MALRD1: variants seen among roughly 807,000 people sequenced by gnomAD.
MALRD1 encodes the protein MAM and LDL-receptor class A domain-containing protein 1.
Under a neutral mutation model 242.1 loss-of-function variants are expected in MALRD1, and 247 were observed. The ratio of observed to expected loss-of-function variants is 1.02; its 90% CI spans 0.92 to 1.13. MALRD1 has a LOEUF of 1.13. MALRD1 is among the 50% of genes most tolerant of loss of function. The probability of loss-of-function intolerance (pLI) is 0.00; values close to 1 mark genes in which losing one functional copy is unlikely to be tolerated. For synonymous variants in MALRD1, 995 were observed against 866.6 expected, an observed-to-expected ratio of 1.15 and a Z score of -2.60; for missense variants, 2,989 against 2,533.1, an observed-to-expected ratio of 1.18 and a Z score of -3.86.
At chr10:19,644,971 A>G (rs562411596) in intron 36 of MALRD1, among the ~76,000 whole-genome samples, 1 of 152,212 alleles carries the variant, frequency 6.6e-6, no homozygotes, top group African/African-American at 2.4e-5. Flanking sequence ...TATTGTTTTG[A>G]TAATAGAATG....
At chr10:19,283,864 G>A (rs897379081) in intron 21 of MALRD1, among the ~76,000 whole-genome samples, 4 of 152,196 alleles carry the variant, frequency 2.6e-5, no homozygotes, top group Non-Finnish European at 5.9e-5. Context: ...CCTACTGTGT[G>A]AGAACGCTGC....
At chr10:19,381,845 A>G (rs1312322251) in intron 26 of MALRD1, among the ~76,000 whole-genome samples, 1 of 152,022 alleles carries the variant, frequency 6.6e-6, no homozygotes, top group East Asian at 1.9e-4. Flanking sequence ...TCTCAAAAAT[A>G]AAATACAATA....
intron 35 of MALRD1, among the ~76,000 whole-genome samples, chr10:19,612,218 G>A (rs1396840964): frequency 6.6e-6 from 1 of 151,834 alleles, no homozygotes; most frequent in Non-Finnish European, 1.5e-5. Flanking sequence ...TCATCTTGGT[G>A]GCTATTCTTC....
chr10:19,114,287 C>T (rs1243544235), intron 5 of MALRD1, among the ~76,000 whole-genome samples: 1 of 152,068 alleles, frequency 6.6e-6, no homozygotes, highest in Non-Finnish European at 1.5e-5. Flanking sequence ...CATATTATAA[C>T]AGAAATATTG....
chr10:19,676,264 C>T (rs1842135551), intron 36 of MALRD1, among the ~76,000 whole-genome samples: 1 of 152,128 alleles, frequency 6.6e-6, no homozygotes, highest in Non-Finnish European at 1.5e-5. Context: ...CAACTTATAC[C>T]ACGTGACATC....
chr10:19,424,597 A>T (rs748949853), intron 28 of MALRD1, among the ~76,000 whole-genome samples: 2 of 152,232 alleles, frequency 1.3e-5, no homozygotes, highest in Non-Finnish European at 2.9e-5. Context: ...AAAAATCAGA[A>T]CTAAAGTAAT....
intron 28 of MALRD1, among the ~76,000 whole-genome samples, chr10:19,413,904 T>TCGCACTA (rs888764243): frequency 6.6e-6 from 1 of 150,840 alleles, no homozygotes; most frequent in African/African-American, 2.4e-5. Flanking sequence ...TGAGCCGAGA[T>TCGCACTA]CGCACTACTG....
At chr10:19,363,096 A>C (rs987930721) in intron 26 of MALRD1, among the ~76,000 whole-genome samples, 1 of 152,120 alleles carries the variant, frequency 6.6e-6, no homozygotes, top group Non-Finnish European at 1.5e-5. Flanking sequence ...ACAGATGTCA[A>C]CTCAGCATTT....
chr10:19,429,335 C>T (rs2257745), intron 28 of MALRD1, among the ~76,000 whole-genome samples: 26,200 of 151,864 alleles, frequency 0.17, 2,604 homozygotes, highest in Middle Eastern at 0.31. Context: ...TTCAGGAGGC[C>T]GAGACAGGTG....
chr10:19,323,772 C>G (rs986910316), intron 21 of MALRD1, among the ~76,000 whole-genome samples, 177 bp from the exon 22 acceptor site: 8 of 152,122 alleles, frequency 5.3e-5, no homozygotes, highest in Non-Finnish European at 2.9e-5. Flanking sequence ...CCACTCCCAG[C>G]TTATTTTTTC....
intron 14 of MALRD1, 142 bp from the exon 15 acceptor site, chr10:19,203,586 T>G: frequency 1.3e-6 from 1 of 794,932 alleles, no homozygotes. Context: ...AAAGGATCTT[T>G]TTTATTTTCT....
intron 8 of MALRD1, among the ~76,000 whole-genome samples, chr10:19,130,747 A>G (rs12765250): frequency 0.053 from 8,034 of 152,238 alleles, 435 homozygotes; most frequent in Admixed American, 0.17. Flanking sequence ...GTATGTAATT[A>G]TGAATGTATA....
intron 21 of MALRD1, among the ~76,000 whole-genome samples, chr10:19,300,833 G>C (rs1251841353): frequency 4.0e-5 from 6 of 151,800 alleles, no homozygotes; most frequent in Non-Finnish European, 7.4e-5. Flanking sequence ...CCAAAGCAAT[G>C]GTAACAAAAA....
In MALRD1 at chr10:19,331,530, T is replaced by C. The variant is rs947398971; in HGVS notation, c.3849T>C (p.Cys1283=). 5 of 1,550,218 alleles carry C rather than the reference T, an allele frequency of 3.2e-6. No homozygotes were observed. The African/African-American group carries it at 4.1e-5, about 13-fold the overall frequency. ...NKHCIAKDKL[C]DFVNDCADNS... ...ACTGCATTGCCAAAGACAAGCTGTG[T>C]GATTTTGTGAATGATTGTGCTGATA... Residue 1283 remains cysteine (C), a synonymous_variant, in exon 24 of 40, where the codon TGT becomes TGC. Coordinates refer to ENST00000454679, the MANE Select transcript of MALRD1 (RefSeq NM_001142308.3).
At chr10:19,165,496 T>A (rs1024123490) in intron 12 of MALRD1, 141 bp from the exon 13 acceptor site, 1 of 504,610 alleles carries the variant, frequency 2.0e-6, no homozygotes, top group Non-Finnish European at 3.0e-6. Flanking sequence ...GTAGAGATGG[T>A]GTTTCATGCC....
intron 39 of MALRD1, among the ~76,000 whole-genome samples, chr10:19,731,346 T>G (rs1589454778): frequency 6.6e-6 from 1 of 152,274 alleles, no homozygotes; most frequent in African/African-American, 2.4e-5. Context: ...TTTTTTAGAT[T>G]TTTTATATTT....
intron 28 of MALRD1, among the ~76,000 whole-genome samples, chr10:19,410,518 A>G (rs2130882259): frequency 6.6e-6 from 1 of 152,196 alleles, no homozygotes; most frequent in East Asian, 1.9e-4. Flanking sequence ...ACCTCTGAAA[A>G]TCTAAATTAA....
intron 18 of MALRD1, among the ~76,000 whole-genome samples, chr10:19,238,472 TATAA>T (rs1838551132): frequency 4.1e-5 from 2 of 48,358 alleles, no homozygotes; most frequent in African/African-American, 2.3e-4. Flanking sequence ...TAATATAATA[TATAA>T]TATACATTAT....
intron 33 of MALRD1, among the ~76,000 whole-genome samples, chr10:19,594,869 T>C (rs1275178474): frequency 6.6e-6 from 1 of 152,036 alleles, no homozygotes. Context: ...TAAAAGACTA[T>C]ATATCGGGTA....
Sources: allele counts gnomAD v4.1 joint callset (sites outside exome capture counted in the v4.1 genomes callset), GRCh38; gene constraint gnomAD v4.1.1; transcripts MANE v1.5; gene names NCBI Gene and HGNC (gene_info 2026-07-23, HGNC 2026-07-21).